Variants in DOCK9 observed in about 807,000 individuals in gnomAD.
DOCK9 encodes the protein dedicator of cytokinesis 9.
Under a neutral mutation model 263.3 loss-of-function variants are expected in DOCK9, and 89 were observed. That is an observed-to-expected ratio of 0.34 (90% CI 0.28 to 0.40). DOCK9 has a LOEUF of 0.40. DOCK9 is among the 10% of genes least tolerant of loss of function. The pLI is 1.00. For missense variants in DOCK9, 2,140 were observed against 2,603.4 expected, an observed-to-expected ratio of 0.82 and a Z score of 3.87; for synonymous variants, 976 against 973.1, an observed-to-expected ratio of 1.00 and a Z score of -0.06.
rs762219827 is a variant in DOCK9 at position 98,888,234 on chromosome 13, A to C, written c.1978-11T>G. The C allele has an allele frequency of 3.1e-6, 5 of 1,609,812 alleles. No homozygotes were observed. The highest frequency in any genetic ancestry group is 4.2e-6 in the Non-Finnish European group (5 of 1,178,238). ...CGCAATATTTCTAGCCTGCAGCAAT[A>C]AACAAAACAGAATAAGAAAAAACAA... On this transcript the variant is annotated splice_polypyrimidine_tract_variant and intron_variant, in intron 17 of 52. Transcript: ENST00000682017.
At chr13:99,073,356 T>TC (rs2041769297) in intron 1 of DOCK9, among the ~76,000 whole-genome samples, 1 of 116,392 alleles carries the variant, frequency 8.6e-6, no homozygotes, top group Non-Finnish European at 1.9e-5. Context: ...CTCTTCTTCT[T>TC]CTTTTCTCTC....
intron 39 of DOCK9, among the ~76,000 whole-genome samples, chr13:98,836,545 C>T (rs1251829345): frequency 6.6e-6 from 1 of 152,164 alleles, no homozygotes; most frequent in African/African-American, 2.4e-5. Flanking sequence ...GGATACCACA[C>T]TCTGAGAGCC....
chr13:98,865,917 T>C (rs2094007184), intron 30 of DOCK9, among the ~76,000 whole-genome samples: 1 of 148,916 alleles, frequency 6.7e-6, no homozygotes, highest in Non-Finnish European at 1.5e-5. Flanking sequence ...AGGGGTGGCA[T>C]GATATGTTTG....
intron 45 of DOCK9, 128 bp downstream of exon 45, chr13:98,824,268 TCA>T (rs2092428751): frequency 5.6e-6 from 4 of 715,154 alleles, no homozygotes; most frequent in Middle Eastern, 4.2e-4. Flanking sequence ...GAGAATCATC[TCA>T]GTTAGAGCTA....
chr13:99,040,817 C>A (rs1888386213), intron 1 of DOCK9, among the ~76,000 whole-genome samples: 1 of 152,130 alleles, frequency 6.6e-6, no homozygotes, highest in African/African-American at 2.4e-5. Context: ...TCCAGGACCC[C>A]CCAAAGCATG....
chr13:98,843,926 T>C (rs1486905105), intron 38 of DOCK9, among the ~76,000 whole-genome samples: 3 of 152,226 alleles, frequency 2.0e-5, no homozygotes, highest in Non-Finnish European at 4.4e-5. Flanking sequence ...CTGTGTTTCC[T>C]AAATGATTAT....
At chr13:98,981,651 CACA>C (rs1339034186), upstream of DOCK9, among the ~76,000 whole-genome samples, 1 of 152,208 alleles carries the variant, frequency 6.6e-6, no homozygotes, top group Non-Finnish European at 1.5e-5. Context: ...TTTCCCATCA[CACA>C]ACTTCTCAGG....
rs75782030 is a variant in DOCK9 at position 98,883,412 on chromosome 13, T to A, written c.2470-281A>T. ...ACAGGCACACATCACCATGCCTGGA[T>A]AATTTTTGTATTTTTGTAGAGACAA... On this transcript the variant is annotated intron_variant, in intron 22 of 52. Coordinates refer to ENST00000682017, the MANE Select transcript of DOCK9 (RefSeq NM_001366683.2). 1.1e-3 allele frequency among the ~76,000 whole-genome samples: 168 copies of A among 152,296 alleles called. 2 individuals are homozygous for A. The East Asian group carries it at 0.018, about 16-fold the overall frequency.
intron 13 of DOCK9, among the ~76,000 whole-genome samples, chr13:98,899,275 G>T (rs1264540444): frequency 1.3e-5 from 2 of 152,080 alleles, no homozygotes; most frequent in East Asian, 1.9e-4. Context: ...GGATCTAGAA[G>T]GATCCAGAAG....
chr13:98,973,717 C>A (rs2059956535), intron 1 of DOCK9, among the ~76,000 whole-genome samples: 1 of 152,160 alleles, frequency 6.6e-6, no homozygotes, highest in Non-Finnish European at 1.5e-5. Flanking sequence ...CCCACCTCAG[C>A]CTCTCGAGAA....
chr13:98,855,645 C>T (rs1179730825), intron 34 of DOCK9, among the ~76,000 whole-genome samples: 1 of 152,088 alleles, frequency 6.6e-6, no homozygotes, highest in African/African-American at 2.4e-5. Flanking sequence ...CCCCGTTCAA[C>T]CCACCAGAGC....
At chr13:98,936,440 C>T (rs9557094) in intron 2 of DOCK9, among the ~76,000 whole-genome samples, 27,437 of 151,778 alleles carry the variant, frequency 0.18, 3,379 homozygotes, top group East Asian at 0.48. Flanking sequence ...GGCAACATAG[C>T]GTGACCTTGT....
At chr13:98,880,983 C>T (rs999176212) in intron 25 of DOCK9, among the ~76,000 whole-genome samples, 1 of 152,164 alleles carries the variant, frequency 6.6e-6, no homozygotes, top group Non-Finnish European at 1.5e-5. Flanking sequence ...AGGACCAGAA[C>T]TTTACTTTTT....
At chr13:99,086,039 C>G (rs1463745138) in intron 1 of DOCK9, among the ~76,000 whole-genome samples, 1 of 152,098 alleles carries the variant, frequency 6.6e-6, no homozygotes, top group Admixed American at 6.5e-5. Flanking sequence ...AGTTGCAGCC[C>G]CTCCAGGACC....
intron 1 of DOCK9, among the ~76,000 whole-genome samples, chr13:99,021,747 C>T (rs1405228395): frequency 6.6e-6 from 1 of 151,604 alleles, no homozygotes; most frequent in Admixed American, 6.6e-5. Flanking sequence ...CCATTAGAGA[C>T]AGGTTTTTCT....
At chr13:98,850,770 C>T (rs1291911948) in intron 35 of DOCK9, among the ~76,000 whole-genome samples, 2 of 152,252 alleles carry the variant, frequency 1.3e-5, no homozygotes, top group African/African-American at 2.4e-5. Flanking sequence ...TTCTCTGAAG[C>T]GAAACAGCTG....
intron 1 of DOCK9, among the ~76,000 whole-genome samples, chr13:98,960,864 G>A (rs1276839421): frequency 6.6e-6 from 1 of 152,204 alleles, no homozygotes; most frequent in Non-Finnish European, 1.5e-5. Context: ...TTTCAGGGAG[G>A]AAGAAGAAAC....
chr13:99,054,278 T>C lies in DOCK9; in HGVS notation c.129+31945A>G, dbSNP rs192836122. ...TAAAACATAAAAACATTACTCTCCATGCTCTGAGACCCTTAATGGGGTAAT... is the reference window on the plus strand; with the variant it reads ...TAAAACATAAAAACATTACTCTCCACGCTCTGAGACCCTTAATGGGGTAAT... On this transcript the variant is annotated intron_variant, in intron 1 of 32. Transcript: ENST00000427887. Among the ~76,000 whole-genome samples, 818 of 152,326 alleles carry C rather than the reference T, an allele frequency of 5.4e-3. 6 individuals are homozygous for C. The highest frequency in any genetic ancestry group is 6.4e-3 in the Non-Finnish European group (438 of 68,020).
chr13:98,890,460 G>A (rs1042016937), intron 15 of DOCK9, among the ~76,000 whole-genome samples: 17 of 152,166 alleles, frequency 1.1e-4, no homozygotes, highest in Admixed American at 5.9e-4. Flanking sequence ...CAAGCTTAGC[G>A]GCGCAGTTAC....
Sources: gnomAD v4.1 joint callset for allele counts (sites outside exome capture counted in the v4.1 genomes callset) on GRCh38, gnomAD v4.1.1 for gene constraint, MANE v1.5 for transcripts, NCBI Gene and HGNC (gene_info 2026-07-23, HGNC 2026-07-21) for gene names.